Variants in GULP1 observed in about 807,000 individuals in gnomAD.
GULP1 encodes the protein PTB domain-containing engulfment adapter protein 1.
A neutral mutation model predicts 40.9 loss-of-function variants in GULP1; 19 were observed. The ratio of observed to expected loss-of-function variants is 0.46; its 90% confidence interval spans 0.32 to 0.68. The LOEUF (loss-of-function observed/expected upper bound fraction) is 0.68. GULP1 is among the 30% of genes least tolerant of loss of function. The pLI is 0.03. For missense variants in GULP1, 312 were observed against 362.2 expected (o/e 0.86, Z 1.12); for synonymous variants, 119 against 117.6 (o/e 1.01, Z -0.08).
At chr2:188,327,841 A>C (rs1402309121) in intron 1 of GULP1, among the ~76,000 whole-genome samples, 1 of 152,112 alleles carries the variant, frequency 6.6e-6, no homozygotes. Flanking sequence ...GAGCACTGAC[A>C]ATTTCACATG....
intron 1 of GULP1, among the ~76,000 whole-genome samples, chr2:188,299,323 C>T (rs1035747989): frequency 2.6e-5 from 4 of 152,040 alleles, no homozygotes; most frequent in South Asian, 2.1e-4. Flanking sequence ...ATGTAAAGAA[C>T]GAGGAAGTTA....
chr2:188,593,865 C>T (rs1704069341), intron 11 of GULP1, 75 bp from the exon 12 acceptor site: 5 of 818,492 alleles, frequency 6.1e-6, no homozygotes, highest in Admixed American at 3.9e-5. Flanking sequence ...AACTTTAGTG[C>T]ATAGTCTTTT....
chr2:188,522,321 GAA>G (rs1181506918), intron 4 of GULP1, among the ~76,000 whole-genome samples: 1 of 151,152 alleles, frequency 6.6e-6, no homozygotes, highest in African/African-American at 2.4e-5. Context: ...AGAGACGTGA[GAA>G]AAAAAAGAAA....
At chr2:188,557,198 C>T (rs770811546) in intron 7 of GULP1, among the ~76,000 whole-genome samples, 4 of 152,150 alleles carry the variant, frequency 2.6e-5, no homozygotes, top group Admixed American at 6.5e-5. Context: ...TTGCAAAATA[C>T]AATCATACCT....
chr2:188,351,990 C>G (rs1461684738), intron 1 of GULP1, among the ~76,000 whole-genome samples: 2 of 151,966 alleles, frequency 1.3e-5, no homozygotes, highest in African/African-American at 4.8e-5. Context: ...GGCATGTATC[C>G]CTGTTTGCCA....
chr2:188,362,949 A>G (rs1208989330), intron 1 of GULP1, among the ~76,000 whole-genome samples: 1 of 152,114 alleles, frequency 6.6e-6, no homozygotes, highest in Non-Finnish European at 1.5e-5. Flanking sequence ...GACGCTTAAT[A>G]GGAGGTGGGT....
intron 1 of GULP1, among the ~76,000 whole-genome samples, chr2:188,362,441 C>T (rs1204025747): frequency 1.3e-5 from 2 of 152,000 alleles, no homozygotes; most frequent in East Asian, 1.9e-4. Flanking sequence ...TATTTCTGCA[C>T]GTGATATTAT....
intron 2 of GULP1, among the ~76,000 whole-genome samples, chr2:188,467,743 C>T (rs2060246132): frequency 6.6e-6 from 1 of 151,896 alleles, no homozygotes; most frequent in African/African-American, 2.4e-5. Context: ...GGCATATTGA[C>T]ATATGAGATA....
rs1704198195 is a variant in GULP1, at chr2:188,594,794, C to T, written c.*783C>T. Reference sequence around the variant, plus strand: ...TAAGCATCATCTGATTTGATATTCCCTAAAAAACATTTGGAATATATGCTA... The same window carrying T: ...TAAGCATCATCTGATTTGATATTCCTTAAAAAACATTTGGAATATATGCTA... On this transcript the variant is annotated 3_prime_UTR_variant, in exon 12 of 12. Transcript: ENST00000409830. 1 of 151,492 alleles carries T rather than the reference C, an allele frequency of 6.6e-6. No individual in the cohort carries two copies. Among genetic ancestry groups the T allele is most frequent in the Non-Finnish European group, 1.5e-5 (1 of 67,672 alleles). 9.4% of individuals were successfully genotyped at this position (151,492 alleles called of 1,614,324 possible).
chr2:188,333,953 T>C (rs2041948014), intron 1 of GULP1, among the ~76,000 whole-genome samples: 2 of 152,112 alleles, frequency 1.3e-5, no homozygotes, highest in African/African-American at 2.4e-5. Context: ...CTCCGTGCAC[T>C]CCAGGCTCAG....
intron 4 of GULP1, among the ~76,000 whole-genome samples, chr2:188,499,858 A>G (rs948701115): frequency 1.3e-5 from 2 of 151,886 alleles, no homozygotes; most frequent in African/African-American, 4.8e-5. Flanking sequence ...CATTAAATCA[A>G]CCTTCTGCAT....
intron 7 of GULP1, among the ~76,000 whole-genome samples, chr2:188,546,993 T>C (rs1692132111): frequency 6.6e-6 from 1 of 151,880 alleles, no homozygotes; most frequent in African/African-American, 2.4e-5. Flanking sequence ...CACAAATCAC[T>C]CATTATTAAA....
At chr2:188,370,461 A>C (rs986724219) in intron 1 of GULP1, among the ~76,000 whole-genome samples, 1 of 152,088 alleles carries the variant, frequency 6.6e-6, no homozygotes, top group African/African-American at 2.4e-5. Flanking sequence ...CTTTCTTTGG[A>C]TCTCATTGCA....
chr2:188,574,641 C>T (rs1234947092), intron 9 of GULP1, among the ~76,000 whole-genome samples: 1 of 151,878 alleles, frequency 6.6e-6, no homozygotes, highest in Non-Finnish European at 1.5e-5. Flanking sequence ...AGAGTAAGAC[C>T]CTGTCTCAAA....
At chr2:188,549,571 AAACAGTT>A (rs766350419) in intron 7 of GULP1, among the ~76,000 whole-genome samples, 1 of 151,912 alleles carries the variant, frequency 6.6e-6, no homozygotes, top group Non-Finnish European at 1.5e-5. Context: ...CATTCAGGAA[AAACAGTT>A]TGGCAGTTTT....
intron 7 of GULP1, among the ~76,000 whole-genome samples, chr2:188,549,810 A>G (rs891409639): frequency 4.6e-5 from 7 of 151,936 alleles, no homozygotes; most frequent in Admixed American, 1.3e-4. Context: ...ATGACTCTCC[A>G]GAGATTAAGG....
intron 1 of GULP1, among the ~76,000 whole-genome samples, chr2:188,299,751 C>T (rs190816540): frequency 4.6e-4 from 70 of 152,196 alleles, no homozygotes; most frequent in Admixed American, 4.4e-3. Context: ...GTGGGGAAAG[C>T]GGGTATTCAC....
intron 6 of GULP1, among the ~76,000 whole-genome samples, chr2:188,540,744 T>C (rs1368526542): frequency 2.0e-5 from 3 of 152,150 alleles, no homozygotes; most frequent in Non-Finnish European, 4.4e-5. Flanking sequence ...TTCTAAACTA[T>C]AATGCTAGTA....
chr2:188,457,157 T>G (rs566498772), intron 2 of GULP1, among the ~76,000 whole-genome samples: 80 of 152,282 alleles, frequency 5.3e-4, no homozygotes, highest in Admixed American at 1.0e-3. Flanking sequence ...GACTGTGGAC[T>G]TTTGAGTTAA....
Sources: gnomAD v4.1 joint callset for allele counts (sites outside exome capture counted in the v4.1 genomes callset) on GRCh38, gnomAD v4.1.1 for gene constraint, MANE v1.5 for transcripts, NCBI Gene and HGNC (gene_info 2026-07-23, HGNC 2026-07-21) for gene names.